The following CTNNA2 variants were observed in gnomAD, a reference collection of about 807,000 sequenced individuals.
CTNNA2 encodes the protein catenin alpha 2.
CTNNA2 carries 42 observed loss-of-function variants against 101.0 expected under a neutral mutation model. The ratio of observed to expected loss-of-function variants is 0.42; its 90% CI spans 0.32 to 0.54. CTNNA2 has a LOEUF of 0.54. Among genes scored for constraint, CTNNA2 ranks in the 20% least tolerant of loss-of-function variants. The probability of loss-of-function intolerance (pLI) is 0.14; values close to 1 mark genes in which losing one functional copy is unlikely to be tolerated. For missense variants in CTNNA2, 871 were observed against 1,223.1 expected (o/e 0.71, Z 4.29); for synonymous variants, 450 against 456.4 (o/e 0.99, Z 0.18).
chr2:79,387,628 C>G (rs1316499182), intron 4 of CTNNA2, among the ~76,000 whole-genome samples: 1 of 152,198 alleles, frequency 6.6e-6, no homozygotes, highest in Non-Finnish European at 1.5e-5. Flanking sequence ...GGCACCGACA[C>G]TTCCAATTAG....
chr2:80,096,917 G>A (rs1700191577), intron 7 of CTNNA2, among the ~76,000 whole-genome samples: 1 of 152,074 alleles, frequency 6.6e-6, no homozygotes, highest in Non-Finnish European at 1.5e-5. Flanking sequence ...TGTGAGATGG[G>A]TCTCCTGAAT....
chr2:80,328,394 G>A (rs1471856717), intron 7 of CTNNA2: 1 of 470,938 alleles, frequency 2.1e-6, no homozygotes, highest in Admixed American at 2.3e-5. Context: ...ACTCTCCATA[G>A]GGGAATGGCT....
intron 1 of CTNNA2, among the ~76,000 whole-genome samples, chr2:79,535,523 C>G (rs1486217082): frequency 6.6e-6 from 1 of 151,896 alleles, no homozygotes; most frequent in African/African-American, 2.4e-5. Flanking sequence ...CTTTTATAAC[C>G]AGGCAAAATA....
chr2:79,205,188 A>C (rs1674085842), intron 2 of CTNNA2, among the ~76,000 whole-genome samples: 1 of 152,088 alleles, frequency 6.6e-6, no homozygotes. Flanking sequence ...CTTCCATATA[A>C]AAAAATAAGC....
At chr2:80,039,944 G>A (rs1227381736) in intron 7 of CTNNA2, among the ~76,000 whole-genome samples, 2 of 152,162 alleles carry the variant, frequency 1.3e-5, no homozygotes, top group East Asian at 3.9e-4. Flanking sequence ...TTAACTTCTG[G>A]TTAAATGCTG....
intron 7 of CTNNA2, among the ~76,000 whole-genome samples, chr2:80,291,256 A>G (rs1675211342): frequency 6.6e-6 from 1 of 152,218 alleles, no homozygotes; most frequent in African/African-American, 2.4e-5. Flanking sequence ...GAATGCATAG[A>G]AAGTTACTCT....
intron 2 of CTNNA2, among the ~76,000 whole-genome samples, chr2:79,295,681 A>C (rs1442737378): frequency 6.6e-6 from 1 of 152,068 alleles, no homozygotes; most frequent in African/African-American, 2.4e-5. Context: ...TAGCTGGGGA[A>C]TGAAATAAAA....
chr2:80,444,915 G>A (rs1041847751), intron 9 of CTNNA2, among the ~76,000 whole-genome samples: 3 of 152,076 alleles, frequency 2.0e-5, no homozygotes, highest in African/African-American at 4.8e-5. Context: ...AAGCTGTTTA[G>A]CAGCATCCCT....
At chr2:80,373,916 C>A (rs1358044404) in intron 7 of CTNNA2, among the ~76,000 whole-genome samples, 1 of 152,138 alleles carries the variant, frequency 6.6e-6, no homozygotes, top group Non-Finnish European at 1.5e-5. Context: ...CCTACCTGTC[C>A]TCATCTCAGC....
intron 3 of CTNNA2, among the ~76,000 whole-genome samples, chr2:79,807,437 A>G (rs1282352965): frequency 2.0e-5 from 3 of 152,190 alleles, no homozygotes; most frequent in Non-Finnish European, 2.9e-5. Context: ...TATTAAAAAC[A>G]TATTTCTGCA....
intron 2 of CTNNA2, among the ~76,000 whole-genome samples, chr2:79,722,765 T>G (rs1686572334): frequency 6.6e-6 from 1 of 152,208 alleles, no homozygotes; most frequent in Non-Finnish European, 1.5e-5. Context: ...ATTGCCTGTG[T>G]CCTAATTGGT....
chr2:79,384,847 A>G (rs765768225), intron 4 of CTNNA2, among the ~76,000 whole-genome samples: 3 of 152,190 alleles, frequency 2.0e-5, no homozygotes, highest in Non-Finnish European at 4.4e-5. Flanking sequence ...AGACTAGTTC[A>G]CATTAACTTA....
chr2:79,639,403 A>G (rs1398834009), intron 1 of CTNNA2, among the ~76,000 whole-genome samples: 4 of 152,346 alleles, frequency 2.6e-5, no homozygotes, highest in South Asian at 2.1e-4. Context: ...TTAACAATGC[A>G]TTATGGGATT....
At chr2:80,504,615 C>G (rs551512551) in intron 9 of CTNNA2, among the ~76,000 whole-genome samples, 1 of 152,292 alleles carries the variant, frequency 6.6e-6, no homozygotes, top group South Asian at 2.1e-4. Context: ...GCTTCAAATA[C>G]AGACTCTACC....
chr2:79,389,695 C>T (rs186892882), intron 4 of CTNNA2, among the ~76,000 whole-genome samples: 3 of 152,172 alleles, frequency 2.0e-5, no homozygotes, highest in Admixed American at 2.0e-4. Context: ...AATGAATTGG[C>T]TTAGGATTTT....
At chr2:80,504,348 A>G (rs937884132) in intron 9 of CTNNA2, among the ~76,000 whole-genome samples, 2 of 152,142 alleles carry the variant, frequency 1.3e-5, no homozygotes, top group Admixed American at 1.3e-4. Flanking sequence ...CATGACTTTA[A>G]TGCTTGACCA....
rs116338148 is a variant in CTNNA2, at chr2:79,784,042, T to C, written c.298+39460T>C. ...GGATTAAGTTTTTCTTCTGCTCATATTGAAATAAGTGACTAGAATAGATCA... is the reference window on the plus strand; with the variant it reads ...GGATTAAGTTTTTCTTCTGCTCATACTGAAATAAGTGACTAGAATAGATCA... On this transcript the variant is annotated intron_variant, in intron 3 of 18. Coordinates refer to ENST00000402739, the MANE Select transcript of CTNNA2 (RefSeq NM_001282597.3). 3.8e-3 allele frequency among the ~76,000 whole-genome samples: 583 copies of C among 152,286 alleles called. 3 individuals carry two copies. Among genetic ancestry groups the C allele is most frequent in the African/African-American group, 0.013 (540 of 41,580 alleles).
At chr2:80,405,128 A>G (rs908150396) in intron 8 of CTNNA2, among the ~76,000 whole-genome samples, 4 of 152,158 alleles carry the variant, frequency 2.6e-5, no homozygotes, top group Non-Finnish European at 4.4e-5. Context: ...CATCTGATCT[A>G]TTACTCCTGT....
chr2:80,468,039 C>T (rs2149481722), intron 9 of CTNNA2, among the ~76,000 whole-genome samples: 1 of 152,288 alleles, frequency 6.6e-6, no homozygotes, highest in South Asian at 2.1e-4. Context: ...GAAGGATTTA[C>T]ACTTTTCCTG....
Sources: gnomAD v4.1 joint callset for allele counts (sites outside exome capture counted in the v4.1 genomes callset) on GRCh38, gnomAD v4.1.1 for gene constraint, MANE v1.5 for transcripts, NCBI Gene and HGNC (gene_info 2026-07-23, HGNC 2026-07-21) for gene names.